CTNNA3: variants seen among roughly 807,000 people sequenced by gnomAD.
CTNNA3 encodes the protein catenin alpha 3, also known as catenin alpha-3.
Under a neutral mutation model 95.7 loss-of-function variants are expected in CTNNA3, and 76 were observed. The ratio of observed to expected loss-of-function variants is 0.79; its 90% CI spans 0.66 to 0.96. CTNNA3 has a LOEUF of 0.96. Ranked by LOEUF, CTNNA3 falls within the 40% of genes least tolerant of loss-of-function variation. The pLI is 0.00. For synonymous variants in CTNNA3, 431 were observed against 374.4 expected (o/e 1.15, Z -1.74); for missense variants, 1,191 against 1,089.8 (o/e 1.09, Z -1.31).
At chr10:66,696,019 G>A (rs991897708) in intron 9 of CTNNA3, among the ~76,000 whole-genome samples, 1 of 151,930 alleles carries the variant, frequency 6.6e-6, no homozygotes, top group African/African-American at 2.4e-5. Flanking sequence ...TTAAGGAGTT[G>A]GTATGGCATT....
At chr10:66,318,417 C>G (rs1377206961) in intron 12 of CTNNA3, among the ~76,000 whole-genome samples, 1 of 151,852 alleles carries the variant, frequency 6.6e-6, no homozygotes, top group Non-Finnish European at 1.5e-5. Flanking sequence ...GTCTTTGAGA[C>G]AAGTGCACCT....
chr10:66,198,273 G>A (rs372385294), intron 13 of CTNNA3, among the ~76,000 whole-genome samples: 4 of 151,936 alleles, frequency 2.6e-5, no homozygotes, highest in African/African-American at 7.3e-5. Flanking sequence ...TTTTCAAAGC[G>A]TTTTTAATGA....
intron 7 of CTNNA3, chr10:66,928,050 G>A (rs1005845022): frequency 6.2e-7 from 1 of 1,614,042 alleles, no homozygotes; most frequent in Non-Finnish European, 8.5e-7. Context: ...TCCCAAAGCC[G>A]ACGTTTAAGC....
At chr10:66,983,318 G>T (rs1485994106) in intron 7 of CTNNA3, among the ~76,000 whole-genome samples, 2 of 152,050 alleles carry the variant, frequency 1.3e-5, no homozygotes, top group African/African-American at 4.8e-5. Context: ...TAAGACCCTG[G>T]TGCATTATGC....
intron 5 of CTNNA3, among the ~76,000 whole-genome samples, chr10:67,269,929 C>A (rs961205994): frequency 6.6e-6 from 1 of 152,040 alleles, no homozygotes; most frequent in Non-Finnish European, 1.5e-5. Flanking sequence ...ATTTGTAGGA[C>A]AACAACTCAG....
intron 15 of CTNNA3, among the ~76,000 whole-genome samples, chr10:66,033,509 T>C (rs563941817): frequency 5.8e-4 from 89 of 152,224 alleles, no homozygotes; most frequent in African/African-American, 1.9e-3. Context: ...TGTGTGCATG[T>C]ATGCATACAT....
intron 2 of CTNNA3, among the ~76,000 whole-genome samples, chr10:67,625,997 A>G (rs1026583105): frequency 1.3e-5 from 2 of 152,062 alleles, no homozygotes; most frequent in South Asian, 2.1e-4. Flanking sequence ...CTAGCCTGAA[A>G]CAGATCCCTT....
At chr10:67,054,869 T>C (rs887699154) in intron 7 of CTNNA3, 1 of 152,188 alleles carries the variant, frequency 6.6e-6, no homozygotes, top group Non-Finnish European at 1.5e-5. Context: ...TCCCAAGAGA[T>C]CCTGTTAGTA....
intron 5 of CTNNA3, chr10:67,403,498 C>G (rs971317975): frequency 6.6e-6 from 1 of 152,462 alleles, no homozygotes; most frequent in Non-Finnish European, 1.5e-5. Context: ...CTGGGCAGGT[C>G]CTCCCAACCA....
intron 8 of CTNNA3, among the ~76,000 whole-genome samples, chr10:66,768,826 T>TA (rs1191469664): frequency 5.9e-5 from 9 of 151,714 alleles, no homozygotes; most frequent in Non-Finnish European, 7.4e-5. Flanking sequence ...TAAATTAAAT[T>TA]AAAAAAAAGG....
Position 66,633,826 on chromosome 10 carries a change from T to C in CTNNA3, c.1282-12042A>G, listed in dbSNP as rs188872138. Among the ~76,000 whole-genome samples the C allele has an allele frequency of 3.7e-3, 564 of 152,278 alleles. 10 individuals carry two copies. The highest frequency in any genetic ancestry group is 0.02 in the Middle Eastern group (6 of 294). Reference sequence around the variant, plus strand: ...AGAGAAGTATCCCCTTTTGACTATGTTTCTATATCGACTGAAGTTTTTCCA... The same window carrying C: ...AGAGAAGTATCCCCTTTTGACTATGCTTCTATATCGACTGAAGTTTTTCCA... On this transcript the variant is annotated intron_variant, in intron 9 of 17. Transcript: ENST00000433211.
intron 3 of CTNNA3, among the ~76,000 whole-genome samples, chr10:67,598,868 T>C (rs1302514593): frequency 8.6e-5 from 13 of 151,922 alleles, no homozygotes; most frequent in Non-Finnish European, 1.9e-4. Context: ...AACTACAGAC[T>C]GGGGAGCCCT....
intron 13 of CTNNA3, among the ~76,000 whole-genome samples, chr10:66,159,285 G>C (rs561560843): frequency 1.3e-5 from 2 of 152,124 alleles, no homozygotes; most frequent in Non-Finnish European, 2.9e-5. Context: ...TATAATGTTG[G>C]CTGTGAGTTT....
chr10:66,555,309 C>CAG (rs1842356870), intron 10 of CTNNA3, among the ~76,000 whole-genome samples: 3 of 152,068 alleles, frequency 2.0e-5, no homozygotes, highest in Admixed American at 6.6e-5. Flanking sequence ...TTCATCCTCT[C>CAG]AACTGCTTCT....
At chr10:66,456,598 C>A (rs188166601) in intron 11 of CTNNA3, among the ~76,000 whole-genome samples, 1 of 152,068 alleles carries the variant, frequency 6.6e-6, no homozygotes, top group East Asian at 1.9e-4. Context: ...ATCATTTGAA[C>A]CTGGGAGGCA....
intron 9 of CTNNA3, among the ~76,000 whole-genome samples, chr10:66,684,986 A>G (rs1010520262): frequency 6.6e-6 from 1 of 151,602 alleles, no homozygotes; most frequent in Non-Finnish European, 1.5e-5. Context: ...TATGCAATTC[A>G]TAGATCTTCT....
chr10:67,737,639 A>C (rs1182005677), intron 1 of CTNNA3, among the ~76,000 whole-genome samples: 2 of 152,200 alleles, frequency 1.3e-5, no homozygotes, highest in Non-Finnish European at 2.9e-5. Context: ...ATGCAGCCAA[A>C]AGACACATGA....
chr10:66,243,477 A>G (rs2090186218), intron 13 of CTNNA3, among the ~76,000 whole-genome samples: 1 of 152,174 alleles, frequency 6.6e-6, no homozygotes, highest in Admixed American at 6.5e-5. Context: ...TAACCCAGAC[A>G]TTCCTTTTTT....
rs1408199442 is a variant in CTNNA3 at position 67,564,452 on chromosome 10, T to C, written c.293-24783A>G. Among the ~76,000 whole-genome samples the C allele has an allele frequency of 1.7e-5, 2 of 117,702 alleles. 1 individual carries two copies. Among genetic ancestry groups the C allele is most frequent in the African/African-American group, 6.9e-5 (2 of 28,866 alleles). The allele number at this position is 117,702 out of a possible 152,430, so 77.2% of individuals were successfully genotyped here. On this transcript the variant is annotated intron_variant, in intron 3 of 17. Transcript: ENST00000433211. ...GGTGGGAATTGAACAACAAGAACAC[T>C]TGGACACAGGGTGGGGAACATCACA...
Sources: gnomAD v4.1 joint callset for allele counts (sites outside exome capture counted in the v4.1 genomes callset) on GRCh38, gnomAD v4.1.1 for gene constraint, MANE v1.5 for transcripts, NCBI Gene and HGNC (gene_info 2026-07-23, HGNC 2026-07-21) for gene names.